Variants in CDH8 observed in about 807,000 individuals in gnomAD.
The protein encoded by CDH8 is cadherin-8.
In CDH8, 17 loss-of-function variants were observed where a neutral mutation model predicts 68.1. The observed-to-expected ratio is 0.25, with a 90% CI of 0.17 to 0.37. The LOEUF (loss-of-function observed/expected upper bound fraction) is 0.37, where lower values mean the gene tolerates loss of function less well. Ranked by LOEUF, CDH8 falls within the 10% of genes least tolerant of loss-of-function variation. The pLI is 1.00. For synonymous variants in CDH8, 372 were observed against 365.1 expected, an observed-to-expected ratio of 1.02 and a Z score of -0.21; for missense variants, 763 against 999.3, an observed-to-expected ratio of 0.76 and a Z score of 3.19.
intron 4 of CDH8, among the ~76,000 whole-genome samples, chr16:61,853,672 T>C (rs1962985273): frequency 1.3e-5 from 2 of 152,184 alleles, no homozygotes; most frequent in Admixed American, 6.6e-5. Flanking sequence ...TAAAGAACCA[T>C]CTTATTAGGT....
At chr16:61,758,309 T>C (rs1960373873) in intron 8 of CDH8, among the ~76,000 whole-genome samples, 1 of 152,196 alleles carries the variant, frequency 6.6e-6, no homozygotes, top group Non-Finnish European at 1.5e-5. Flanking sequence ...GGCAGAATAT[T>C]AGATTACTAT....
At chr16:61,726,920 G>A in intron 9 of CDH8, 174 bp downstream of exon 9, 1 of 663,408 alleles carries the variant, frequency 1.5e-6, no homozygotes, top group South Asian at 2.1e-5. Context: ...AGTAGGAAGA[G>A]AAATAACATC....
chr16:61,831,656 G>A (rs1323251230), intron 4 of CDH8, among the ~76,000 whole-genome samples: 1 of 151,704 alleles, frequency 6.6e-6, no homozygotes, highest in Admixed American at 6.6e-5. Flanking sequence ...TATCCGTCAC[G>A]AAGATTTCTT....
At chr16:61,670,678 G>T (rs1034370173) in intron 10 of CDH8, among the ~76,000 whole-genome samples, 4 of 152,088 alleles carry the variant, frequency 2.6e-5, no homozygotes, top group African/African-American at 4.8e-5. Context: ...CTGATATACA[G>T]TAGTCTTCTC....
chr16:61,919,427 G>C (rs2143388195), intron 2 of CDH8, among the ~76,000 whole-genome samples: 1 of 146,776 alleles, frequency 6.8e-6, no homozygotes, highest in Non-Finnish European at 1.5e-5. Context: ...AAAAAATTTA[G>C]GAGAATGTAT....
At chr16:61,940,396 A>ATTTTTTTTTTTTTTTTTT (rs1597078843) in intron 2 of CDH8, 1 of 121,052 alleles carries the variant, frequency 8.3e-6, no homozygotes, top group East Asian at 3.0e-4. Context: ...GAACTACTTG[A>ATTTTTTTTTTTTTTTTTT]TCTTTTTTTT....
At chr16:61,873,110 C>T (rs1963399505) in intron 3 of CDH8, among the ~76,000 whole-genome samples, 1 of 152,018 alleles carries the variant, frequency 6.6e-6, no homozygotes, top group African/African-American at 2.4e-5. Flanking sequence ...TTTCTAATTC[C>T]CTCTAGTTAG....
At chr16:61,761,770 A>C (rs1403796478) in intron 8 of CDH8, among the ~76,000 whole-genome samples, 1 of 152,100 alleles carries the variant, frequency 6.6e-6, no homozygotes, top group East Asian at 1.9e-4. Context: ...TGGGAGGCCG[A>C]GGTGGGTGGA....
At chr16:62,030,172 T>C (rs1214150345) in intron 1 of CDH8, among the ~76,000 whole-genome samples, 1 of 152,160 alleles carries the variant, frequency 6.6e-6, no homozygotes, top group Non-Finnish European at 1.5e-5. Flanking sequence ...GAGTAGACAG[T>C]CAGATAGACA....
At chr16:61,993,406 G>T (rs559429373) in intron 2 of CDH8, among the ~76,000 whole-genome samples, 1 of 149,648 alleles carries the variant, frequency 6.7e-6, no homozygotes, top group Admixed American at 6.6e-5. Context: ...AGCAACTTCT[G>T]CCTCCCGGGT....
intron 2 of CDH8, chr16:61,938,087 T>C (rs1964654906): frequency 6.6e-6 from 1 of 152,174 alleles, no homozygotes. Context: ...ACACTTCATG[T>C]TGAGTCATCA....
At chr16:61,680,467 T>C (rs898095224) in intron 10 of CDH8, among the ~76,000 whole-genome samples, 2 of 151,908 alleles carry the variant, frequency 1.3e-5, no homozygotes, top group Non-Finnish European at 2.9e-5. Context: ...TTCTGTGTAA[T>C]ACAGTTTTCC....
intron 8 of CDH8, among the ~76,000 whole-genome samples, chr16:61,751,066 G>A (rs1960145723): frequency 6.6e-6 from 1 of 151,986 alleles, no homozygotes; most frequent in Non-Finnish European, 1.5e-5. Context: ...GAAAAAAGAA[G>A]CTAATAATGA....
intron 2 of CDH8, among the ~76,000 whole-genome samples, chr16:61,967,335 T>C (rs1965268063): frequency 6.6e-6 from 1 of 152,192 alleles, no homozygotes; most frequent in African/African-American, 2.4e-5. Context: ...GTTTTATTTC[T>C]CTCTTTCCAG....
chr16:61,959,803 TAAC>T lies in CDH8; in HGVS notation c.253-58333_253-58331del, dbSNP rs570252485. 3.5e-3 allele frequency among the ~76,000 whole-genome samples: 517 copies of T among 146,186 alleles called. 3 individuals are homozygous for T. Among genetic ancestry groups the T allele is most frequent in the African/African-American group, 0.013 (499 of 39,488 alleles). On this transcript the variant is annotated intron_variant, in intron 2 of 11. Coordinates refer to ENST00000577390, the MANE Select transcript of CDH8 (RefSeq NM_001796.5). ...CAGGGAGGATATGGTCATTATACCT[TAAC>T]AAATCTCTCTCTCTCTGTATGTGTG...
intron 2 of CDH8, among the ~76,000 whole-genome samples, chr16:62,001,985 T>C (rs1336071741): frequency 6.6e-6 from 1 of 152,088 alleles, no homozygotes; most frequent in African/African-American, 2.4e-5. Flanking sequence ...AAAGAGTGAG[T>C]AGCCCACTAT....
In CDH8 at chr16:61,737,633, C is replaced by A. The variant is rs139775366; in HGVS notation, c.1415-10418G>T. Among the ~76,000 whole-genome samples, 19 of 152,192 alleles carry A rather than the reference C, an allele frequency of 1.2e-4. 1 individual carries two copies. The highest frequency in any genetic ancestry group is 4.1e-4 in the African/African-American group (17 of 41,534). On this transcript the variant is annotated intron_variant, in intron 8 of 11. Transcript: ENST00000577390. ...AATCATTAGTGATGATTTATCAAAT[C>A]CATAGATTATTAGATAGCTGAGGAA...
intron 3 of CDH8, among the ~76,000 whole-genome samples, chr16:61,877,219 T>A (rs1260145394): frequency 6.6e-6 from 1 of 151,990 alleles, no homozygotes; most frequent in Non-Finnish European, 1.5e-5. Flanking sequence ...TGTTTCATCA[T>A]CTTAGAACGA....
intron 8 of CDH8, among the ~76,000 whole-genome samples, chr16:61,782,192 T>C (rs1961080059): frequency 6.6e-6 from 1 of 152,056 alleles, no homozygotes; most frequent in Non-Finnish European, 1.5e-5. Context: ...TTCATCTCAC[T>C]AGGGAGTGCC....
Sources: gnomAD v4.1 joint callset for allele counts (sites outside exome capture counted in the v4.1 genomes callset) on GRCh38, gnomAD v4.1.1 for gene constraint, MANE v1.5 for transcripts, NCBI Gene and HGNC (gene_info 2026-07-23, HGNC 2026-07-21) for gene names.